PKD2: variants seen among roughly 807,000 people sequenced by gnomAD.
PKD2 encodes polycystin 2, transient receptor potential cation channel, also known as polycystin-2.
A neutral mutation model predicts 105.9 loss-of-function variants in PKD2; 48 were observed. That is an observed-to-expected ratio of 0.45 (90% confidence interval 0.36 to 0.58). The LOEUF is 0.58. Ranked by LOEUF, PKD2 falls within the 20% of genes least tolerant of loss-of-function variation. The pLI, the probability that PKD2 is intolerant of heterozygous loss-of-function variation, is 0.00. For missense variants in PKD2, 1,078 were observed against 1,255.3 expected (o/e 0.86, Z 2.13); for synonymous variants, 464 against 481.1 (o/e 0.96, Z 0.46).
intron 13 of PKD2, among the ~76,000 whole-genome samples, chr4:88,070,587 TATATATATATATATAGAG>T (rs201595904): frequency 7.0e-5 from 7 of 100,212 alleles, no homozygotes; most frequent in East Asian, 4.5e-4. Flanking sequence ...TATATATATA[TATATATATATATATAGAG>T]AGAGAGAGAG....
intron 9 of PKD2, among the ~76,000 whole-genome samples, chr4:88,060,441 CAT>C (rs60801876): frequency 2.9e-4 from 42 of 147,324 alleles, no homozygotes; most frequent in Middle Eastern, 3.6e-3. Context: ...CCACTATATC[CAT>C]ATATATATAT....
chr4:88,075,723 ATAAG>A lies in PKD2; in HGVS notation c.*31_*34del. ...GTGTGTTTCAGTATGTGTGTTTCTA[ATAAG>A]TGAGGAAGTGGCTGTCCTGAATTGC... is the stretch of plus-strand genomic sequence containing the variant. On this transcript the variant is annotated 3_prime_UTR_variant, in exon 15 of 15. Coordinates refer to ENST00000237596, the MANE Select transcript of PKD2 (RefSeq NM_000297.4). 1 of 1,513,602 alleles carries A rather than the reference ATAAG, an allele frequency of 6.6e-7. No homozygotes were observed. The highest frequency in any genetic ancestry group is 9.2e-7 in the Non-Finnish European group (1 of 1,092,048). The allele number at this position is 1,513,602 out of a possible 1,614,324, so 93.8% of individuals were successfully genotyped here.
intron 10 of PKD2, among the ~76,000 whole-genome samples, chr4:88,062,551 G>A (rs1322744155): frequency 6.6e-6 from 1 of 152,154 alleles, no homozygotes; most frequent in Non-Finnish European, 1.5e-5. Flanking sequence ...TCTCAGGAAG[G>A]GTTTCATTGT....
chr4:88,029,068 T>G (rs978309152), intron 2 of PKD2, among the ~76,000 whole-genome samples: 2 of 152,198 alleles, frequency 1.3e-5, no homozygotes, highest in African/African-American at 4.8e-5. Context: ...CTCTTATTGA[T>G]TCTGCAGCCT....
chr4:88,067,156 A>G (rs1197664622), intron 12 of PKD2, among the ~76,000 whole-genome samples: 1 of 152,170 alleles, frequency 6.6e-6, no homozygotes, highest in African/African-American at 2.4e-5. Context: ...TTGAGCACAA[A>G]CATGATAGTC....
chr4:88,012,872 CAAGG>C (rs1726433487), intron 1 of PKD2, among the ~76,000 whole-genome samples: 1 of 152,112 alleles, frequency 6.6e-6, no homozygotes, highest in Non-Finnish European at 1.5e-5. Flanking sequence ...ATAGTATTTT[CAAGG>C]TTTATCCATG....
intron 13 of PKD2, among the ~76,000 whole-genome samples, chr4:88,070,959 T>A (rs1721014004): frequency 6.6e-6 from 1 of 151,918 alleles, no homozygotes; most frequent in African/African-American, 2.4e-5. Context: ...ATTATACTTT[T>A]CAACTCCAGA....
intron 7 of PKD2, 56 bp downstream of exon 7, chr4:88,052,214 G>T (rs1294516831): frequency 2.2e-5 from 25 of 1,115,258 alleles, no homozygotes; most frequent in South Asian, 6.6e-5. Context: ...TAAAAAAAAT[G>T]AGTTCCACAA....
chr4:88,020,690 T>C (rs1269447350), intron 2 of PKD2, among the ~76,000 whole-genome samples: 2 of 151,870 alleles, frequency 1.3e-5, no homozygotes. Flanking sequence ...TTCCTTTTTT[T>C]TTTTTTTTTT....
intron 13 of PKD2, among the ~76,000 whole-genome samples, chr4:88,070,790 C>G (rs1030586253): frequency 2.7e-5 from 4 of 149,510 alleles, no homozygotes; most frequent in South Asian, 2.1e-4. Context: ...TGCTGCCATG[C>G]CTGGCTAATT....
chr4:88,024,960 C>G (rs1446206744), intron 2 of PKD2, among the ~76,000 whole-genome samples: 1 of 151,834 alleles, frequency 6.6e-6, no homozygotes, highest in Non-Finnish European at 1.5e-5. Flanking sequence ...TGGTGAAACC[C>G]CATCTCTACT....
intron 11 of PKD2, 96 bp downstream of exon 11, chr4:88,065,591 T>TA: frequency 1.5e-6 from 2 of 1,292,936 alleles, no homozygotes; most frequent in Non-Finnish European, 2.2e-6. Flanking sequence ...CTCATACAGA[T>TA]ACTTTTTTTT....
chr4:88,071,947 C>A (rs1227364906), intron 13 of PKD2, among the ~76,000 whole-genome samples: 1 of 135,236 alleles, frequency 7.4e-6, no homozygotes, highest in Non-Finnish European at 1.6e-5. Context: ...ATTCAGGCCT[C>A]TTTGCAGGGC....
intron 6 of PKD2, among the ~76,000 whole-genome samples, chr4:88,051,188 C>G (rs1720083195): frequency 6.6e-6 from 1 of 151,920 alleles, no homozygotes; most frequent in African/African-American, 2.4e-5. Flanking sequence ...AGTTAAGGGA[C>G]AGAAATGAGC....
At chr4:88,053,648 C>T (rs529173381) in intron 7 of PKD2, among the ~76,000 whole-genome samples, 1 of 138,444 alleles carries the variant, frequency 7.2e-6, no homozygotes, top group Admixed American at 7.1e-5. Flanking sequence ...CAGAGTGAGA[C>T]CCTGTCTCAA....
chr4:88,046,514 G>T (rs1302853051), intron 5 of PKD2, 128 bp from the exon 6 acceptor site: 1 of 723,570 alleles, frequency 1.4e-6, no homozygotes, highest in Admixed American at 1.9e-5. Flanking sequence ...TTTGCCGCTA[G>T]TTTGGGGGGA....
At chr4:88,050,493 A>G (rs963688011) in intron 6 of PKD2, among the ~76,000 whole-genome samples, 3 of 152,146 alleles carry the variant, frequency 2.0e-5, no homozygotes, top group African/African-American at 7.2e-5. Flanking sequence ...CTCTTTCCTC[A>G]TCTTTCATTC....
intron 2 of PKD2, among the ~76,000 whole-genome samples, chr4:88,032,358 G>A (rs1727190619): frequency 6.6e-6 from 1 of 152,220 alleles, no homozygotes; most frequent in African/African-American, 2.4e-5. Flanking sequence ...AAGGCAGGTT[G>A]GTGGTTGTTA....
chr4:88,050,781 A>G lies in PKD2; in HGVS notation c.1549-1210A>G, dbSNP rs112681553. Among the ~76,000 whole-genome samples the G allele has an allele frequency of 1.6e-3, 248 of 151,708 alleles. 1 individual carries two copies. The highest frequency in any genetic ancestry group is 5.4e-3 in the African/African-American group (224 of 41,408). ...GCTGTGTTCATCATTCCCACCACCAACACAAAAATACAAGATTGGCTCTGG... is the reference window on the plus strand; with the variant it reads ...GCTGTGTTCATCATTCCCACCACCAGCACAAAAATACAAGATTGGCTCTGG... On this transcript the variant is annotated intron_variant, in intron 6 of 14. Coordinates refer to ENST00000237596, the MANE Select transcript of PKD2 (RefSeq NM_000297.4).
Sources: allele counts gnomAD v4.1 joint callset (sites outside exome capture counted in the v4.1 genomes callset), GRCh38; gene constraint gnomAD v4.1.1; transcripts MANE v1.5; gene names NCBI Gene and HGNC (gene_info 2026-07-23, HGNC 2026-07-21).